UTRN: variants seen among roughly 807,000 people sequenced by gnomAD.
UTRN encodes dystrophin-related protein 1.
UTRN carries 283 observed loss-of-function variants against 463.9 expected under a neutral mutation model. The ratio of observed to expected loss-of-function variants is 0.61; its 90% CI spans 0.55 to 0.67. The LOEUF is 0.67. UTRN is among the 30% of genes least tolerant of loss of function. The pLI, the probability that UTRN is intolerant of heterozygous loss-of-function variation, is 0.00. For missense variants in UTRN, 3,922 were observed against 4,084.3 expected, an observed-to-expected ratio of 0.96 and a Z score of 1.08; for synonymous variants, 1,442 against 1,431.5, an observed-to-expected ratio of 1.01 and a Z score of -0.17.
intron 50 of UTRN, among the ~76,000 whole-genome samples, chr6:144,571,880 C>A (rs923596098): frequency 6.6e-6 from 1 of 152,104 alleles, no homozygotes; most frequent in South Asian, 2.1e-4. Flanking sequence ...GTTCCTTGGT[C>A]CTTGGTGACC....
rs115191124 is a variant in UTRN, at chr6:144,476,102, G to A, written c.3336+1343G>A. ...AAAAAAAAACAAAAATTGTAGAGAT[G>A]GGGTTCTTAGAGGCTGAGGCAAAAG... On this transcript the variant is annotated intron_variant, in intron 25 of 74. Coordinates refer to ENST00000367545, the MANE Select transcript of UTRN (RefSeq NM_007124.3). Among the ~76,000 whole-genome samples the A allele has an allele frequency of 3.8e-3, 562 of 149,680 alleles. 2 individuals carry two copies. The highest frequency in any genetic ancestry group is 0.013 in the African/African-American group (534 of 40,930).
At chr6:144,766,748 AAAG>A (rs1793394935) in intron 58 of UTRN, among the ~76,000 whole-genome samples, 1 of 151,932 alleles carries the variant, frequency 6.6e-6, no homozygotes, top group African/African-American at 2.4e-5. Flanking sequence ...AGGAGAGAAA[AAAG>A]GTGATAACTA....
chr6:144,519,086 A>T (rs907338019), intron 39 of UTRN, among the ~76,000 whole-genome samples: 1 of 152,200 alleles, frequency 6.6e-6, no homozygotes, highest in Non-Finnish European at 1.5e-5. Context: ...CCTGAAATAT[A>T]TGTTAAGTGA....
At chr6:144,766,619 T>G (rs770761009) in intron 58 of UTRN, among the ~76,000 whole-genome samples, 3 of 151,910 alleles carry the variant, frequency 2.0e-5, no homozygotes, top group Non-Finnish European at 4.4e-5. Context: ...TGCTAATAAT[T>G]ATAGGACCAG....
intron 23 of UTRN, among the ~76,000 whole-genome samples, chr6:144,473,379 T>C (rs1790862653): frequency 6.6e-6 from 1 of 152,194 alleles, no homozygotes; most frequent in Non-Finnish European, 1.5e-5. Flanking sequence ...TTCTAAATTA[T>C]ATCAGAGCAA....
rs570724609 is a variant in UTRN, at chr6:144,410,022, A to G, written c.141+6838A>G. ...ACAACTAGATGTGCCTTGTTGTGAT[A>G]GTCTCTTGTCCACCTTCTCAACAAC... On this transcript the variant is annotated intron_variant, in intron 3 of 74. Transcript: ENST00000367545. Among the ~76,000 whole-genome samples the G allele has an allele frequency of 1.6e-4, 25 of 152,306 alleles. No individual in the cohort carries two copies. In the South Asian group the frequency reaches 4.6e-3, roughly 28 times the overall value.
chr6:144,678,624 T>G, intron 52 of UTRN, 46 bp downstream of exon 52: 5 of 1,482,600 alleles, frequency 3.4e-6, no homozygotes, highest in East Asian at 2.4e-5. Context: ...GTGGAAGGGG[T>G]AGATACTTGT....
intron 2 of UTRN, among the ~76,000 whole-genome samples, chr6:144,391,436 A>T (rs1205157999): frequency 2.6e-5 from 4 of 152,174 alleles, no homozygotes. Flanking sequence ...CAATTTGATT[A>T]TGCGTAATTA....
At chr6:144,531,754 A>G (rs1797080108) in intron 42 of UTRN, among the ~76,000 whole-genome samples, 1 of 152,202 alleles carries the variant, frequency 6.6e-6, no homozygotes, top group Non-Finnish European at 1.5e-5. Flanking sequence ...ACCATTGATA[A>G]AAATATTTTC....
Position 144,813,401 on chromosome 6 carries a change from A to G in UTRN, c.9358-7481A>G, listed in dbSNP as rs1331188594. 2.6e-5 allele frequency among the ~76,000 whole-genome samples: 4 copies of G among 152,004 alleles called. No individual in the cohort carries two copies. The East Asian group carries it at 7.8e-4, about 29-fold the overall frequency. On this transcript the variant is annotated intron_variant, in intron 65 of 74. Transcript: ENST00000367545. Reference sequence around the variant, plus strand: ...ACGGGGTTTCACCTTGTTAGCCAGGATGATCTCGATCTCCTGACCTCGTGA... The same window carrying G: ...ACGGGGTTTCACCTTGTTAGCCAGGGTGATCTCGATCTCCTGACCTCGTGA...
chr6:144,774,208 C>T, intron 59 of UTRN, 82 bp from the exon 60 acceptor site: 1 of 1,305,654 alleles, frequency 7.7e-7, no homozygotes, highest in East Asian at 2.6e-5. Flanking sequence ...TTTCATCATC[C>T]AAAGTAACCA....
intron 28 of UTRN, among the ~76,000 whole-genome samples, chr6:144,486,704 G>T (rs1024931573): frequency 2.6e-5 from 4 of 152,146 alleles, no homozygotes; most frequent in Non-Finnish European, 2.9e-5. Flanking sequence ...ATTTTTAGTA[G>T]AGATGGGGTT....
chr6:144,371,522 C>CT (rs1276743199), intron 2 of UTRN, among the ~76,000 whole-genome samples: 12 of 152,248 alleles, frequency 7.9e-5, no homozygotes, highest in Admixed American at 5.2e-4. Flanking sequence ...AGCAATTCTC[C>CT]TGCCTCAGCC....
At chr6:144,542,708 C>A in intron 45 of UTRN, 87 bp from the exon 46 acceptor site, 1 of 1,329,908 alleles carries the variant, frequency 7.5e-7, no homozygotes, top group Non-Finnish European at 1.0e-6. Flanking sequence ...AGCAGAGCTG[C>A]CATTCAGAAT....
Position 144,424,051 on chromosome 6 carries a change from A to C in UTRN, c.378A>C (p.Leu126Phe). ...GAAATCACAAACTGACTTTGGGGTT[A>C]CTTTGGAGCATCATTTTGCACTGGC... ...VDGNHKLTLG[L>F]LWSIILHWQV... Residue 126 changes from leucine to phenylalanine, a missense_variant, in exon 6 of 75, where the codon TTA becomes TTC. By Grantham distance (22) the Leu-to-Phe change is conservative (BLOSUM62 0). Around this residue, in one of 3 missense-constraint regions of UTRN, gnomAD observed 264 missense variants for 327.9 expected, o/e 0.81. Transcript: ENST00000367545. 1 of 1,614,218 alleles carries C rather than the reference A, an allele frequency of 6.2e-7. No homozygotes were observed. The highest frequency in any genetic ancestry group is 8.5e-7 in the Non-Finnish European group (1 of 1,180,038).
chr6:144,825,913 G>C (rs1346258526), intron 66 of UTRN, among the ~76,000 whole-genome samples: 1 of 149,108 alleles, frequency 6.7e-6, no homozygotes, highest in African/African-American at 2.5e-5. Flanking sequence ...TAGATATTCT[G>C]ACAAACAGTC....
chr6:144,847,119 C>G (rs1349468486), intron 74 of UTRN, among the ~76,000 whole-genome samples: 2 of 152,076 alleles, frequency 1.3e-5, no homozygotes, highest in East Asian at 3.9e-4. Flanking sequence ...ACCACCACTG[C>G]TCTCTCAAAT....
Position 144,485,369 on chromosome 6 carries a change from A to G in UTRN, c.3688-16A>G. ...GAAATGGCTTTTTGTCTAATTTAAA[A>G]TTTTTCATGCTTTAGGAGGTCTGGT... On this transcript the variant is annotated splice_polypyrimidine_tract_variant and intron_variant, in intron 27 of 74. Coordinates refer to ENST00000367545, the MANE Select transcript of UTRN (RefSeq NM_007124.3). The G allele has an allele frequency of 2.5e-6, 4 of 1,613,500 alleles. No individual in the cohort carries two copies. The highest frequency in any genetic ancestry group is 2.7e-5 in the African/African-American group (2 of 74,956).
At chr6:144,456,485 T>G (rs1170014757) in intron 19 of UTRN, among the ~76,000 whole-genome samples, 1 of 151,880 alleles carries the variant, frequency 6.6e-6, no homozygotes, top group Non-Finnish European at 1.5e-5. Flanking sequence ...AAACCTCGTC[T>G]CTACTAAAAA....
Sources: gnomAD v4.1 joint callset for allele counts (sites outside exome capture counted in the v4.1 genomes callset) on GRCh38, gnomAD v4.1.1 for gene constraint, gnomAD v4.1.1 regional missense constraint, MANE v1.5 for transcripts, NCBI Gene and HGNC (gene_info 2026-07-23, HGNC 2026-07-21) for gene names.